The following CACNG3 variants were observed in gnomAD, a reference collection of about 807,000 sequenced individuals.
CACNG3 encodes the protein calcium voltage-gated channel auxiliary subunit gamma 3, also known as voltage-dependent calcium channel gamma-3 subunit.
Under a neutral mutation model 28.5 loss-of-function variants are expected in CACNG3, and 3 were observed. The observed-to-expected ratio is 0.11, with a 90% CI of 0.05 to 0.27. The LOEUF (loss-of-function observed/expected upper bound fraction) is 0.27. CACNG3 is among the 10% of genes least tolerant of loss of function. CACNG3 has a pLI of 1.00. For synonymous variants in CACNG3, 174 were observed against 162.2 expected, an observed-to-expected ratio of 1.07 and a Z score of -0.55; for missense variants, 236 against 414.4, an observed-to-expected ratio of 0.57 and a Z score of 3.74.
intron 1 of CACNG3, among the ~76,000 whole-genome samples, chr16:24,262,763 G>A (rs997608625): frequency 3.9e-5 from 6 of 152,170 alleles, no homozygotes; most frequent in African/African-American, 1.4e-4. Context: ...TCTTCTACCT[G>A]ACTGTGGGAT....
chr16:24,320,972 G>A (rs4787992), intron 1 of CACNG3, among the ~76,000 whole-genome samples: 114,679 of 151,976 alleles, frequency 0.75, 43,487 homozygotes, highest in Middle Eastern at 0.88. Context: ...GCCTTGAATG[G>A]TCCTCTCACC....
chr16:24,282,205 G>T (rs562798370), intron 1 of CACNG3, among the ~76,000 whole-genome samples: 9 of 152,276 alleles, frequency 5.9e-5, no homozygotes, highest in African/African-American at 2.2e-4. Context: ...CAGGTTGAGT[G>T]CTTTGCTCTA....
At chr16:24,305,360 G>A (rs1012853917) in intron 1 of CACNG3, among the ~76,000 whole-genome samples, 1 of 137,878 alleles carries the variant, frequency 7.3e-6, no homozygotes, top group African/African-American at 2.7e-5. Context: ...GTGTGTGTGT[G>A]TGTGTGTAGA....
chr16:24,348,558 C>T (rs1461942952), intron 2 of CACNG3, among the ~76,000 whole-genome samples: 3 of 152,288 alleles, frequency 2.0e-5, no homozygotes, highest in Middle Eastern at 3.4e-3. Flanking sequence ...ATTGTAATGT[C>T]TCTCTGGGCC....
chr16:24,361,209 A>T lies in CACNG3; in HGVS notation c.437-143A>T. 1.5e-6 allele frequency: 1 copy of T among 654,688 alleles called. No homozygotes were observed. The highest frequency in any genetic ancestry group is 2.7e-5 in the East Asian group (1 of 37,440). 40.6% of individuals were successfully genotyped at this position (654,688 alleles called of 1,614,324 possible). A position where few individuals can be genotyped will look rare whatever the true frequency, so the allele number is the denominator to read the frequency against. The stretch of plus-strand genomic sequence containing the variant: ...CTAAGTGACAGACCATGCAAGAAGA[A>T]CTAGGTGGTTGGATTTCCCAGCTAT... On this transcript the variant is annotated intron_variant, in intron 3 of 3. Coordinates refer to ENST00000005284, the MANE Select transcript of CACNG3 (RefSeq NM_006539.4). The surrounding 1 kb of genome is among the most constrained non-coding windows in gnomAD (Gnocchi z 6.8).
At chr16:24,275,875 G>A (rs1385474534) in intron 1 of CACNG3, among the ~76,000 whole-genome samples, 3 of 152,152 alleles carry the variant, frequency 2.0e-5, no homozygotes, top group Admixed American at 2.0e-4. Flanking sequence ...GTTATGCCTG[G>A]CTAAAAGACC....
chr16:24,353,539 A>G (rs1567225876), intron 2 of CACNG3, among the ~76,000 whole-genome samples: 1 of 152,150 alleles, frequency 6.6e-6, no homozygotes, highest in Non-Finnish European at 1.5e-5. Flanking sequence ...AAAATATTTA[A>G]TAAGAAGCTG....
chr16:24,354,687 C>G, intron 2 of CACNG3, 146 bp from the exon 3 acceptor site: 1 of 746,084 alleles, frequency 1.3e-6, no homozygotes, highest in Non-Finnish European at 2.2e-6. Context: ...AGCACAGGCC[C>G]TGAGCGCCTG....
chr16:24,258,986 A>G (rs1898504589), intron 1 of CACNG3, among the ~76,000 whole-genome samples: 1 of 152,222 alleles, frequency 6.6e-6, no homozygotes, highest in Non-Finnish European at 1.5e-5. Context: ...TTCCAACATC[A>G]AGTCCTACAC....
At chr16:24,277,626 T>C (rs944470379) in intron 1 of CACNG3, among the ~76,000 whole-genome samples, 4 of 151,828 alleles carry the variant, frequency 2.6e-5, no homozygotes, top group African/African-American at 9.7e-5. Context: ...AATACAAAAA[T>C]TGGCCAGGTG....
intron 1 of CACNG3, among the ~76,000 whole-genome samples, chr16:24,295,700 T>A (rs1422367463): frequency 1.3e-5 from 2 of 151,784 alleles, no homozygotes; most frequent in African/African-American, 4.8e-5. Context: ...TTAAAAAAAA[T>A]TAGCTGAGTG....
At chr16:24,340,815 C>T (rs1056743907) in intron 1 of CACNG3, among the ~76,000 whole-genome samples, 9 of 152,222 alleles carry the variant, frequency 5.9e-5, no homozygotes, top group Non-Finnish European at 1.2e-4. Flanking sequence ...GGCTCTCACA[C>T]ATGCCCTTCG....
intron 3 of CACNG3, among the ~76,000 whole-genome samples, chr16:24,359,179 G>A (rs972583275): frequency 3.3e-5 from 5 of 152,024 alleles, no homozygotes; most frequent in Admixed American, 1.3e-4. Context: ...GGAGTCAGGG[G>A]GCATCAATAG....
intron 1 of CACNG3, among the ~76,000 whole-genome samples, chr16:24,270,350 C>T (rs747813836): frequency 4.6e-5 from 7 of 152,116 alleles, no homozygotes; most frequent in Non-Finnish European, 1.0e-4. Context: ...ATTAGCTTAA[C>T]GTGCCCTAAA....
Position 24,361,900 on chromosome 16 carries a change from C to G in CACNG3, c.*37C>G, listed in dbSNP as rs371528746. On this transcript the variant is annotated 3_prime_UTR_variant, in exon 4 of 4. Transcript: ENST00000005284. The surrounding 1 kb of genome is among the most constrained non-coding windows in gnomAD (Gnocchi z 6.8). ...ACCTCTGCCCCACGCCCAGCACAGC[C>G]TTGGGGGAAGTGTACAGAGATGTCT... 3.1e-5 allele frequency: 49 copies of G among 1,563,720 alleles called. No individual in the cohort carries two copies. The highest frequency in any genetic ancestry group is 4.2e-5 in the Non-Finnish European group (49 of 1,159,858).
intron 1 of CACNG3, among the ~76,000 whole-genome samples, chr16:24,277,409 C>G (rs1311649376): frequency 2.6e-5 from 4 of 152,136 alleles, no homozygotes; most frequent in Non-Finnish European, 5.9e-5. Flanking sequence ...TTGCAATGCG[C>G]AGGACAGCCC....
intron 1 of CACNG3, among the ~76,000 whole-genome samples, chr16:24,319,886 T>G (rs1326272548): frequency 2.0e-5 from 3 of 152,198 alleles, no homozygotes; most frequent in Non-Finnish European, 4.4e-5. Flanking sequence ...TTCTCCTGCC[T>G]CAGCCTCCCA....
At chr16:24,270,660 A>G (rs552733840) in intron 1 of CACNG3, among the ~76,000 whole-genome samples, 1 of 152,308 alleles carries the variant, frequency 6.6e-6, no homozygotes, top group East Asian at 1.9e-4. Flanking sequence ...CCCCAGGATG[A>G]TTTTCCAGTT....
intron 1 of CACNG3, among the ~76,000 whole-genome samples, chr16:24,303,452 A>C (rs959101609): frequency 6.6e-6 from 1 of 152,050 alleles, no homozygotes; most frequent in Non-Finnish European, 1.5e-5. Context: ...AGACTCCTAA[A>C]GTGCTGGGAC....
Sources: allele counts gnomAD v4.1 joint callset (sites outside exome capture counted in the v4.1 genomes callset), GRCh38; gene constraint gnomAD v4.1.1; non-coding constraint Gnocchi (gnomAD v3.1); transcripts MANE v1.5; gene names NCBI Gene and HGNC (gene_info 2026-07-23, HGNC 2026-07-21).